ATP11B: variants seen among roughly 807,000 people sequenced by gnomAD.
The protein encoded by ATP11B is phospholipid-transporting ATPase IF.
Under a neutral mutation model 157.8 loss-of-function variants are expected in ATP11B, and 81 were observed. The ratio of observed to expected loss-of-function variants is 0.51; its 90% CI spans 0.43 to 0.62. The LOEUF (loss-of-function observed/expected upper bound fraction) is 0.62. Ranked by LOEUF, ATP11B falls within the 20% of genes least tolerant of loss-of-function variation. The probability of loss-of-function intolerance (pLI) is 0.00; values close to 1 mark genes in which losing one functional copy is unlikely to be tolerated. For missense variants in ATP11B, 1,165 were observed against 1,402.2 expected (o/e 0.83, Z 2.70); for synonymous variants, 451 against 469.4 (o/e 0.96, Z 0.51).
chr3:182,868,944 A>G (rs1281311237), intron 15 of ATP11B, 134 bp from the exon 16 acceptor site: 3 of 583,018 alleles, frequency 5.1e-6, no homozygotes, highest in African/African-American at 1.9e-5. Context: ...CATGTAACCT[A>G]TCATCATGAA....
intron 28 of ATP11B, chr3:182,905,956 C>T: frequency 2.2e-6 from 1 of 446,158 alleles, no homozygotes; most frequent in South Asian, 1.6e-5. Context: ...CACTCATCCG[C>T]TAAGTTCTCA....
At chr3:182,816,148 GAAAA>G (rs1025141091) in intron 1 of ATP11B, among the ~76,000 whole-genome samples, 1 of 148,536 alleles carries the variant, frequency 6.7e-6, no homozygotes, top group Admixed American at 6.7e-5. Context: ...AGTCCAGTAA[GAAAA>G]AAAAAGGGAT....
intron 19 of ATP11B, among the ~76,000 whole-genome samples, chr3:182,878,981 T>C (rs1722238542): frequency 6.6e-6 from 1 of 152,146 alleles, no homozygotes; most frequent in African/African-American, 2.4e-5. Context: ...CATTGTAAAA[T>C]TGAATATTAG....
chr3:182,904,917 T>C (rs1166412193), intron 28 of ATP11B, among the ~76,000 whole-genome samples: 1 of 148,024 alleles, frequency 6.8e-6, no homozygotes, highest in Non-Finnish European at 1.5e-5. Context: ...AAAAAAGGAT[T>C]AATTCAAAAC....
chr3:182,834,863 C>G lies in ATP11B; in HGVS notation c.316-1172C>G, dbSNP rs371607818. Among the ~76,000 whole-genome samples the G allele has an allele frequency of 2.6e-5, 4 of 152,318 alleles. No homozygotes were observed. The East Asian group carries it at 5.8e-4, about 22-fold the overall frequency. On this transcript the variant is annotated intron_variant, in intron 4 of 29. Coordinates refer to ENST00000323116, the MANE Select transcript of ATP11B (RefSeq NM_014616.3). The stretch of plus-strand genomic sequence containing the variant: ...TTTTGACTCTCCCAAAACTTAACTA[C>G]TGATAGTCTACTGTTCATCAGAAGC...
rs573152797 is a variant in ATP11B, at chr3:182,835,906, C to T, written c.316-129C>T. ...AATATCAGATACCTATGAGCATGTG[C>T]ATCCAAATAGCCTCATATGATTCTG... On this transcript the variant is annotated intron_variant, in intron 4 of 29. Transcript: ENST00000323116. 77 of 613,064 alleles carry T rather than the reference C, an allele frequency of 1.3e-4. 1 individual carries two copies. The highest frequency in any genetic ancestry group is 4.7e-4 in the South Asian group (20 of 42,240). The allele number at this position is 613,064 out of a possible 1,614,324, so 38.0% of individuals were successfully genotyped here.
intron 23 of ATP11B, 110 bp from the exon 24 acceptor site, chr3:182,887,476 A>C (rs578162400): frequency 6.3e-6 from 5 of 799,346 alleles, no homozygotes; most frequent in Non-Finnish European, 7.5e-6. Context: ...AATGGATTTC[A>C]GTATAAATTT....
At chr3:182,902,460 C>T (rs1275228642) in intron 28 of ATP11B, 5 of 1,277,010 alleles carry the variant, frequency 3.9e-6, no homozygotes, top group Admixed American at 2.3e-5. Context: ...GTGTGTCCAT[C>T]CCTTTTCTGT....
intron 10 of ATP11B, among the ~76,000 whole-genome samples, chr3:182,854,082 G>A (rs1720186471): frequency 6.6e-6 from 1 of 152,180 alleles, no homozygotes; most frequent in South Asian, 2.1e-4. Flanking sequence ...ATATTCAAAT[G>A]AGAAAAACAT....
chr3:182,793,541 C>G lies in ATP11B; in HGVS notation c.-219C>G. 2.8e-6 allele frequency: 1 copy of G among 356,992 alleles called. No individual in the cohort carries two copies. The highest frequency in any genetic ancestry group is 5.0e-6 in the Non-Finnish European group (1 of 200,372). 22.1% of individuals were successfully genotyped at this position (356,992 alleles called of 1,614,324 possible). ...GGCTGCGGCGCGGCGGCAGGCTCAG[C>G]TGCGCCGGGCGGGGGCGGCGCCGGG... On this transcript the variant is annotated 5_prime_UTR_variant, in exon 1 of 30. Coordinates refer to ENST00000323116, the MANE Select transcript of ATP11B (RefSeq NM_014616.3).
chr3:182,906,046 G>T (rs1724326764), intron 28 of ATP11B: 5 of 312,706 alleles, frequency 1.6e-5, no homozygotes, highest in Admixed American at 3.9e-5. Context: ...CTCATATGTT[G>T]TTTTAGTTTC....
At chr3:182,827,808 A>G (rs1345012766) in intron 2 of ATP11B, among the ~76,000 whole-genome samples, 2 of 151,970 alleles carry the variant, frequency 1.3e-5, no homozygotes, top group African/African-American at 4.8e-5. Flanking sequence ...AAAATAAGTT[A>G]TTAAAATGTT....
chr3:182,846,774 A>G (rs1214816909), intron 9 of ATP11B, among the ~76,000 whole-genome samples: 5 of 152,218 alleles, frequency 3.3e-5, no homozygotes, highest in Non-Finnish European at 7.3e-5. Context: ...AGAATAGGCA[A>G]ATTCATAGAG....
At chr3:182,836,947 G>T in intron 6 of ATP11B, 124 bp from the exon 7 acceptor site, 2 of 663,164 alleles carry the variant, frequency 3.0e-6, no homozygotes, top group South Asian at 2.0e-5. Context: ...CTCTTCTGTT[G>T]TCTAGCTGAG....
intron 22 of ATP11B, among the ~76,000 whole-genome samples, chr3:182,885,738 C>T (rs931151657): frequency 3.3e-5 from 5 of 151,972 alleles, no homozygotes; most frequent in Non-Finnish European, 5.9e-5. Flanking sequence ...TTTTTTCATT[C>T]TGATGTCTGC....
chr3:182,863,702 A>ATT (rs1721022659), intron 12 of ATP11B, among the ~76,000 whole-genome samples: 1 of 151,594 alleles, frequency 6.6e-6, no homozygotes. Flanking sequence ...AAACTTCTTG[A>ATT]TTTTATATAT....
intron 25 of ATP11B, among the ~76,000 whole-genome samples, 182 bp from the exon 26 acceptor site, chr3:182,896,518 A>G (rs1192167111): frequency 1.3e-5 from 2 of 152,202 alleles, no homozygotes; most frequent in Non-Finnish European, 2.9e-5. Context: ...TAATAATAAC[A>G]CATGTAAATA....
At chr3:182,801,172 C>A (rs1009334102) in intron 1 of ATP11B, among the ~76,000 whole-genome samples, 1 of 152,164 alleles carries the variant, frequency 6.6e-6, no homozygotes, top group African/African-American at 2.4e-5. Flanking sequence ...GATAATCATA[C>A]TTGTTTCTCT....
intron 10 of ATP11B, among the ~76,000 whole-genome samples, chr3:182,852,954 T>C (rs1720094454): frequency 6.6e-6 from 1 of 152,066 alleles, no homozygotes; most frequent in Admixed American, 6.6e-5. Flanking sequence ...CCAGAGAAAA[T>C]GTCTGCAAAG....
Sources: gnomAD v4.1 joint callset for allele counts (sites outside exome capture counted in the v4.1 genomes callset) on GRCh38, gnomAD v4.1.1 for gene constraint, MANE v1.5 for transcripts, NCBI Gene and HGNC (gene_info 2026-07-23, HGNC 2026-07-21) for gene names.